SPOCK1: variants seen among roughly 807,000 people sequenced by gnomAD.
The protein encoded by SPOCK1 is testican-1.
SPOCK1 carries 23 observed loss-of-function variants against 55.3 expected under a neutral mutation model. The observed-to-expected ratio is 0.42, with a 90% CI of 0.30 to 0.59. The LOEUF (loss-of-function observed/expected upper bound fraction) is 0.59, where lower values mean the gene tolerates loss of function less well. Ranked by LOEUF, SPOCK1 falls within the 20% of genes least tolerant of loss-of-function variation. The pLI is 0.22. For synonymous variants in SPOCK1, 226 were observed against 221.0 expected (o/e 1.02, Z -0.20); for missense variants, 499 against 552.5 (o/e 0.90, Z 0.97).
At chr5:136,992,672 A>T (rs1478034280) in intron 6 of SPOCK1, 72 bp from the exon 7 acceptor site, 1 of 1,242,496 alleles carries the variant, frequency 8.0e-7, no homozygotes, top group Non-Finnish European at 1.1e-6. Context: ...GCTACTGGCA[A>T]AGCCACGTTC....
In SPOCK1 at chr5:137,270,610, A is replaced by G. The variant is rs182303734; in HGVS notation, c.187-3555T>C. 2.0e-4 allele frequency among the ~76,000 whole-genome samples: 30 copies of G among 152,344 alleles called. No homozygotes were observed. In the East Asian group the frequency reaches 5.8e-3, roughly 29 times the overall value. ...CAACCCTTTTTTAGAGATTGTTAAA[A>G]CCTGAAAGACCCTGTAAATGTAAAC... On this transcript the variant is annotated intron_variant, in intron 2 of 10. Coordinates refer to ENST00000394945, the MANE Select transcript of SPOCK1 (RefSeq NM_004598.4).
intron 3 of SPOCK1, among the ~76,000 whole-genome samples, chr5:137,236,071 C>A (rs1756174932): frequency 6.6e-6 from 1 of 152,362 alleles, no homozygotes; most frequent in South Asian, 2.1e-4. Flanking sequence ...AAAAAAATGA[C>A]CAGCCAGAGC....
At chr5:137,296,366 G>A (rs75829109) in intron 2 of SPOCK1, among the ~76,000 whole-genome samples, 1,822 of 152,282 alleles carry the variant, frequency 0.012, 40 homozygotes, top group African/African-American at 0.041. Context: ...TTCAAACTCA[G>A]GACTCAGGTT....
chr5:137,395,350 C>T (rs1011760573), intron 2 of SPOCK1, among the ~76,000 whole-genome samples: 3 of 152,200 alleles, frequency 2.0e-5, no homozygotes, highest in Admixed American at 2.0e-4. Flanking sequence ...CAAGCCATCC[C>T]ACCTGATCTT....
In SPOCK1 at chr5:136,985,179, T is replaced by C. The variant is rs1259935078; in HGVS notation, c.952A>G (p.Asn318Asp). The C allele has an allele frequency of 6.2e-7, 1 of 1,614,050 alleles. No individual in the cohort carries two copies. Among genetic ancestry groups the C allele is most frequent in the African/African-American group, 1.3e-5 (1 of 74,934 alleles). ...CCCTTACTCAGCTTCTGAATTCTGT[T>C]CATTTCATTCTGGCAAGGGAGACCT... Reference protein sequence around the residue: ...PGGLPCQNEMNRIQKLSKGKS... With the variant: ...PGGLPCQNEMDRIQKLSKGKS... Residue 318 changes from asparagine (N) to aspartate (D), a missense_variant, in exon 9 of 11, where the codon AAC (asparagine) becomes GAC (aspartate). Physicochemically the swap from Asn to Asp is conservative, Grantham distance 23. Coordinates refer to ENST00000394945, the MANE Select transcript of SPOCK1 (RefSeq NM_004598.4).
At chr5:137,245,154 A>C (rs572173191) in intron 3 of SPOCK1, among the ~76,000 whole-genome samples, 1 of 152,348 alleles carries the variant, frequency 6.6e-6, no homozygotes, top group South Asian at 2.1e-4. Flanking sequence ...TGTCCCACTA[A>C]AAGGAGAAAA....
At chr5:137,023,904 T>G (rs1319471095) in intron 6 of SPOCK1, among the ~76,000 whole-genome samples, 7 of 150,600 alleles carry the variant, frequency 4.6e-5, no homozygotes, top group Non-Finnish European at 1.0e-4. Flanking sequence ...AAAATTCACA[T>G]AACCATAGCA....
chr5:137,396,849 C>A lies in SPOCK1; in HGVS notation c.186+101524G>T, dbSNP rs922400274. ...GCCTTGACATGTGGCTGAACCAATTCACTGCCACCCAAGAGAGGGTGTCTC... is the reference window on the plus strand; with the variant it reads ...GCCTTGACATGTGGCTGAACCAATTAACTGCCACCCAAGAGAGGGTGTCTC... On this transcript the variant is annotated intron_variant, in intron 2 of 10. Coordinates refer to ENST00000394945, the MANE Select transcript of SPOCK1 (RefSeq NM_004598.4). Among the ~76,000 whole-genome samples, 51 of 152,314 alleles carry A rather than the reference C, an allele frequency of 3.3e-4. 1 individual carries two copies. Among genetic ancestry groups the A allele is most frequent in the African/African-American group, 1.2e-3 (50 of 41,566 alleles).
intron 6 of SPOCK1, among the ~76,000 whole-genome samples, chr5:137,008,814 C>A (rs1342766166): frequency 1.3e-5 from 2 of 151,942 alleles, no homozygotes; most frequent in Non-Finnish European, 2.9e-5. Flanking sequence ...AAAGATTAAA[C>A]CCTAAGAGGA....
intron 4 of SPOCK1, among the ~76,000 whole-genome samples, chr5:137,132,391 G>T (rs372389164): frequency 3.3e-5 from 5 of 152,096 alleles, no homozygotes; most frequent in Admixed American, 1.3e-4. Flanking sequence ...TTCAAAATAG[G>T]CACACCTACC....
chr5:136,990,601 T>C (rs1249720347), intron 7 of SPOCK1, among the ~76,000 whole-genome samples: 3 of 151,198 alleles, frequency 2.0e-5, no homozygotes, highest in Non-Finnish European at 4.4e-5. Flanking sequence ...CGTGGCCCCT[T>C]CTTTGATCGA....
chr5:137,216,590 A>G (rs6884629), intron 3 of SPOCK1, among the ~76,000 whole-genome samples: 60,517 of 151,964 alleles, frequency 0.4, 13,165 homozygotes, highest in Non-Finnish European at 0.48. Context: ...GCATGCCTGG[A>G]GTCCCAGATA....
intron 5 of SPOCK1, among the ~76,000 whole-genome samples, chr5:137,073,071 C>T (rs1752648955): frequency 6.6e-6 from 1 of 152,204 alleles, no homozygotes; most frequent in South Asian, 2.1e-4. Flanking sequence ...AAGCTATGCA[C>T]AGAAACAAGG....
intron 5 of SPOCK1, among the ~76,000 whole-genome samples, chr5:137,076,135 C>G (rs1019672128): frequency 6.6e-6 from 1 of 152,118 alleles, no homozygotes; most frequent in Non-Finnish European, 1.5e-5. Flanking sequence ...AGAGCCCAGA[C>G]CCGAAGGGCT....
At chr5:137,219,840 A>G (rs543912194) in intron 3 of SPOCK1, among the ~76,000 whole-genome samples, 42 of 152,188 alleles carry the variant, frequency 2.8e-4, no homozygotes, top group Non-Finnish European at 5.3e-4. Flanking sequence ...GAGAGACATG[A>G]TGATTTTATA....
intron 5 of SPOCK1, among the ~76,000 whole-genome samples, chr5:137,104,503 G>A (rs1302973490): frequency 6.6e-6 from 1 of 152,134 alleles, no homozygotes; most frequent in Non-Finnish European, 1.5e-5. Flanking sequence ...CCTTATCGCA[G>A]GGTCCCCATC....
At chr5:137,435,826 T>C (rs1281994164) in intron 2 of SPOCK1, among the ~76,000 whole-genome samples, 1 of 152,002 alleles carries the variant, frequency 6.6e-6, no homozygotes, top group Non-Finnish European at 1.5e-5. Flanking sequence ...AGCATCTTAA[T>C]TTTAATTTCT....
rs760383376 is a variant in SPOCK1 at position 136,978,900 on chromosome 5, G to A, written c.1130-56C>T. The A allele has an allele frequency of 1.9e-5, 29 of 1,517,994 alleles. No homozygotes were observed. In the East Asian group the frequency reaches 3.2e-4, roughly 17 times the overall value. The allele number at this position is 1,517,994 out of a possible 1,614,324, so 94.0% of individuals were successfully genotyped here. Reference sequence around the variant, plus strand: ...TTTCCACTTATACCTCATGACCCACGTCAGGGGTTCCTTTGCCTGAATTGT... The same window carrying A: ...TTTCCACTTATACCTCATGACCCACATCAGGGGTTCCTTTGCCTGAATTGT... On this transcript the variant is annotated intron_variant, in intron 10 of 10. Coordinates refer to ENST00000394945, the MANE Select transcript of SPOCK1 (RefSeq NM_004598.4).
intron 2 of SPOCK1, among the ~76,000 whole-genome samples, chr5:137,341,379 C>T (rs1386728242): frequency 6.6e-6 from 1 of 152,192 alleles, no homozygotes; most frequent in African/African-American, 2.4e-5. Context: ...TCCAGCAAAT[C>T]GAACAGGTGT....
Sources: gnomAD v4.1 joint callset for allele counts (sites outside exome capture counted in the v4.1 genomes callset) on GRCh38, gnomAD v4.1.1 for gene constraint, MANE v1.5 for transcripts, NCBI Gene and HGNC (gene_info 2026-07-23, HGNC 2026-07-21) for gene names.